CADM2: variants seen among roughly 807,000 people sequenced by gnomAD.
The protein encoded by CADM2 is cell adhesion molecule 2, also known as immunoglobulin superfamily member 4D.
CADM2 carries 12 observed loss-of-function variants against 49.8 expected under a neutral mutation model. The observed-to-expected ratio is 0.24, with a 90% CI of 0.15 to 0.39. The LOEUF (loss-of-function observed/expected upper bound fraction) is 0.39, where lower values mean the gene tolerates loss of function less well. Ranked by LOEUF, CADM2 falls within the 10% of genes least tolerant of loss-of-function variation. The pLI is 1.00. For synonymous variants in CADM2, 214 were observed against 175.4 expected (o/e 1.22, Z -1.74); for missense variants, 378 against 492.3 (o/e 0.77, Z 2.20).
intron 6 of CADM2, among the ~76,000 whole-genome samples, chr3:85,933,047 G>A (rs551242794): frequency 2.0e-5 from 3 of 152,256 alleles, no homozygotes; most frequent in Admixed American, 1.3e-4. Context: ...AACAGGCAGA[G>A]CAAAGCCACA....
At chr3:85,080,989 A>G (rs1048496151) in intron 1 of CADM2, among the ~76,000 whole-genome samples, 1 of 152,028 alleles carries the variant, frequency 6.6e-6, no homozygotes, top group Non-Finnish European at 1.5e-5. Context: ...AATACTGAAA[A>G]TTTCTGAGCT....
intron 1 of CADM2, among the ~76,000 whole-genome samples, chr3:84,978,667 A>G (rs1322355149): frequency 1.3e-5 from 2 of 152,148 alleles, no homozygotes; most frequent in Non-Finnish European, 2.9e-5. Flanking sequence ...CTGAGTCTAA[A>G]TGTATTTCCT....
intron 1 of CADM2, among the ~76,000 whole-genome samples, chr3:85,501,080 T>C (rs1264115953): frequency 6.6e-6 from 1 of 152,196 alleles, no homozygotes; most frequent in African/African-American, 2.4e-5. Context: ...TCACCAGTTG[T>C]TTTCAGATTA....
intron 3 of CADM2, among the ~76,000 whole-genome samples, chr3:85,843,782 C>T (rs1325576854): frequency 2.0e-5 from 3 of 152,054 alleles, no homozygotes; most frequent in East Asian, 1.9e-4. Context: ...GAAGCTAAAA[C>T]ACCAGGAGAA....
At chr3:85,825,240 G>T (rs566457484) in intron 3 of CADM2, among the ~76,000 whole-genome samples, 5 of 152,086 alleles carry the variant, frequency 3.3e-5, no homozygotes, top group Admixed American at 3.3e-4. Context: ...ACCATCAAAA[G>T]GTTCAAGTTT....
chr3:86,003,889 G>A (rs1293461325), intron 8 of CADM2, among the ~76,000 whole-genome samples: 4 of 152,038 alleles, frequency 2.6e-5, no homozygotes, highest in Non-Finnish European at 5.9e-5. Context: ...AAAAAATTGC[G>A]GACCCAGTGT....
At chr3:85,925,983 A>C in intron 6 of CADM2, among the ~76,000 whole-genome samples, 1 of 151,972 alleles carries the variant, frequency 6.6e-6, no homozygotes, top group East Asian at 1.9e-4. Flanking sequence ...TAAAAATATA[A>C]AAAAATGACC....
chr3:84,986,720 T>A (rs976151138), intron 1 of CADM2, among the ~76,000 whole-genome samples: 1 of 151,402 alleles, frequency 6.6e-6, no homozygotes, highest in Non-Finnish European at 1.5e-5. Context: ...AACCTGCACA[T>A]TGTGCACATG....
chr3:85,968,055 G>A (rs1049480305), intron 8 of CADM2, among the ~76,000 whole-genome samples: 6 of 151,540 alleles, frequency 4.0e-5, no homozygotes, highest in African/African-American at 1.5e-4. Context: ...GATGGAAAAG[G>A]CATCCATACT....
intron 1 of CADM2, among the ~76,000 whole-genome samples, chr3:85,058,269 T>C (rs1383136727): frequency 3.3e-5 from 5 of 152,092 alleles, no homozygotes; most frequent in African/African-American, 1.2e-4. Context: ...AAAAAGGATC[T>C]TCCTAGTTCA....
chr3:85,084,556 A>G (rs1166928065), intron 1 of CADM2, among the ~76,000 whole-genome samples: 1 of 152,210 alleles, frequency 6.6e-6, no homozygotes, highest in African/African-American at 2.4e-5. Flanking sequence ...TGAAGACTTA[A>G]TAGGAAACAA....
intron 1 of CADM2, among the ~76,000 whole-genome samples, chr3:85,442,184 T>C (rs2037233595): frequency 6.6e-6 from 1 of 152,054 alleles, no homozygotes; most frequent in Admixed American, 6.6e-5. Context: ...AGTATTATAT[T>C]TTCCTTGTTC....
At chr3:85,403,716 A>T (rs1199555480) in intron 1 of CADM2, among the ~76,000 whole-genome samples, 4 of 152,164 alleles carry the variant, frequency 2.6e-5, no homozygotes, top group African/African-American at 9.6e-5. Flanking sequence ...TATAAACATA[A>T]TATGGGTTTT....
chr3:85,777,950 A>T (rs974640760), intron 2 of CADM2, among the ~76,000 whole-genome samples: 1 of 152,192 alleles, frequency 6.6e-6, no homozygotes, highest in Non-Finnish European at 1.5e-5. Context: ...TATACAAAAT[A>T]TGCATACGTA....
At chr3:85,584,920 G>A (rs1183365650) in intron 1 of CADM2, among the ~76,000 whole-genome samples, 1 of 152,044 alleles carries the variant, frequency 6.6e-6, no homozygotes, top group Admixed American at 6.6e-5. Context: ...CTTCATCAGA[G>A]AATAAACCTG....
At chr3:86,049,400 G>A (rs1005639250) in intron 8 of CADM2, among the ~76,000 whole-genome samples, 11 of 151,206 alleles carry the variant, frequency 7.3e-5, no homozygotes, top group Non-Finnish European at 1.3e-4. Context: ...TCAGCCTCCC[G>A]AGTAGCTGGG....
chr3:84,971,073 A>G (rs1235728718), intron 1 of CADM2, among the ~76,000 whole-genome samples: 1 of 152,060 alleles, frequency 6.6e-6, no homozygotes, highest in Non-Finnish European at 1.5e-5. Flanking sequence ...AGGAAAAGCT[A>G]TACCTTCATA....
chr3:85,645,704 A>T (rs2064862582), intron 1 of CADM2, among the ~76,000 whole-genome samples: 3 of 152,036 alleles, frequency 2.0e-5, no homozygotes, highest in Admixed American at 6.6e-5. Flanking sequence ...AAAAGTAAAA[A>T]TATATAATCT....
chr3:85,254,999 T>C (rs564627862), intron 1 of CADM2, among the ~76,000 whole-genome samples: 1 of 152,204 alleles, frequency 6.6e-6, no homozygotes, highest in South Asian at 2.1e-4. Flanking sequence ...TTTTTTCATA[T>C]CCTACTGGGA....
Sources: allele counts gnomAD v4.1 joint callset (sites outside exome capture counted in the v4.1 genomes callset), GRCh38; gene constraint gnomAD v4.1.1; transcripts MANE v1.5; gene names NCBI Gene and HGNC (gene_info 2026-07-23, HGNC 2026-07-21).